Variants in CFAP300 observed in about 807,000 individuals in gnomAD.
CFAP300 encodes cilia and flagella associated protein 300, also known as cilia- and flagella-associated protein 300.
CFAP300 carries 32 observed loss-of-function variants against 33.0 expected under a neutral mutation model. That is an observed-to-expected ratio of 0.97 (90% CI 0.73 to 1.30). The LOEUF (loss-of-function observed/expected upper bound fraction) is 1.30. CFAP300 is among the 50% of genes most tolerant of loss of function. The pLI is 0.00. For synonymous variants in CFAP300, 102 were observed against 106.8 expected (o/e 0.95, Z 0.28); for missense variants, 356 against 318.1 (o/e 1.12, Z -0.90).
At chr11:102,056,386 C>G (rs559785616) in intron 2 of CFAP300, among the ~76,000 whole-genome samples, 1 of 152,318 alleles carries the variant, frequency 6.6e-6, no homozygotes, top group Non-Finnish European at 1.5e-5. Flanking sequence ...TAGCAAATTA[C>G]TTTCCCAGAG....
chr11:102,057,966 A>G (rs12146647), intron 2 of CFAP300: 67,363 of 152,056 alleles, frequency 0.44, 15,212 homozygotes, highest in East Asian at 0.67. Flanking sequence ...AAGCTAAGTA[A>G]GGTTGGGCCT....
intron 4 of CFAP300, among the ~76,000 whole-genome samples, chr11:102,074,860 G>A (rs974437683): frequency 4.0e-5 from 6 of 151,784 alleles, no homozygotes; most frequent in Admixed American, 6.6e-5. Flanking sequence ...TCACCACCAC[G>A]TCCAGCTTAT....
chr11:102,080,012 TG>T (rs1340174266), intron 5 of CFAP300, among the ~76,000 whole-genome samples: 2 of 152,176 alleles, frequency 1.3e-5, no homozygotes, highest in African/African-American at 4.8e-5. Context: ...CAGGGTGCAG[TG>T]GCCATCACCT....
At chr11:102,073,890 G>C (rs915629506) in intron 4 of CFAP300, among the ~76,000 whole-genome samples, 3 of 152,186 alleles carry the variant, frequency 2.0e-5, no homozygotes, top group Admixed American at 1.3e-4. Flanking sequence ...CCCATCTTCA[G>C]GGAACATGCA....
chr11:102,082,557 A>C (rs184961319), intron 6 of CFAP300, among the ~76,000 whole-genome samples: 1 of 152,338 alleles, frequency 6.6e-6, no homozygotes, highest in South Asian at 2.1e-4. Context: ...TATTCCTATC[A>C]TAGTAGACTG....
At chr11:102,073,652 G>A (rs560604668) in intron 4 of CFAP300, among the ~76,000 whole-genome samples, 69 of 152,298 alleles carry the variant, frequency 4.5e-4, no homozygotes, top group African/African-American at 1.7e-3. Flanking sequence ...GGGGTGGGGT[G>A]GGGTTGCTGT....
At chr11:102,073,687 G>A (rs1051910069) in intron 4 of CFAP300, among the ~76,000 whole-genome samples, 8 of 152,028 alleles carry the variant, frequency 5.3e-5, no homozygotes, top group South Asian at 2.1e-4. Context: ...ACTGGCAGGC[G>A]GCTCTTGGGT....
intron 2 of CFAP300, among the ~76,000 whole-genome samples, chr11:102,052,532 T>G (rs1053078864): frequency 6.6e-6 from 1 of 152,266 alleles, no homozygotes; most frequent in Non-Finnish European, 1.5e-5. Context: ...TGTGTTTACC[T>G]TTAGTTCTTC....
chr11:102,049,726 A>G (rs958666011), intron 2 of CFAP300, among the ~76,000 whole-genome samples: 3 of 152,148 alleles, frequency 2.0e-5, no homozygotes, highest in African/African-American at 4.8e-5. Flanking sequence ...AAATTTTAGT[A>G]TAATTCATTT....
intron 3 of CFAP300, 80 bp from the exon 4 acceptor site, chr11:102,066,405 A>T: frequency 1.1e-6 from 1 of 927,046 alleles, no homozygotes; most frequent in Admixed American, 2.8e-5. Context: ...GAATTTCTGC[A>T]TAGCGATTTA....
rs575637308 is a variant in CFAP300, at chr11:102,055,072, CG to C, written c.193-3805del. Among the ~76,000 whole-genome samples, 31 of 151,602 alleles carry C rather than the reference CG, an allele frequency of 2.0e-4. 1 individual carries two copies. In the East Asian group the frequency reaches 5.3e-3, roughly 26 times the overall value. The stretch of plus-strand genomic sequence containing the variant: ...CTCAGCTCACTGCAACCTCTGCCTC[CG>C]GGATTCAAGCGATTCTCCTGCCTTA... On this transcript the variant is annotated intron_variant, in intron 2 of 6. Transcript: ENST00000434758.
chr11:102,078,710 T>G (rs1347719542), intron 5 of CFAP300, among the ~76,000 whole-genome samples: 1 of 150,818 alleles, frequency 6.6e-6, no homozygotes, highest in African/African-American at 2.5e-5. Context: ...TTTTGTTTTG[T>G]TTTTTTTTAT....
At position 102,056,161 on chromosome 11, in the gene CFAP300, C is replaced by A. The variant is rs12362732; in HGVS notation, c.193-2719C>A. 2.0e-3 allele frequency among the ~76,000 whole-genome samples: 311 copies of A among 152,046 alleles called. 2 individuals are homozygous for A. Among genetic ancestry groups the A allele is most frequent in the African/African-American group, 7.2e-3 (299 of 41,478 alleles). On this transcript the variant is annotated intron_variant, in intron 2 of 6. Transcript: ENST00000434758. ...ACATTCTATTCTAATACTTTCTTTC[C>A]AATAGCTGCATTCTGTCTGATATAG... is the stretch of plus-strand genomic sequence containing the variant.
intron 3 of CFAP300, among the ~76,000 whole-genome samples, chr11:102,064,840 T>C (rs1477819796): frequency 6.6e-6 from 1 of 152,190 alleles, no homozygotes; most frequent in African/African-American, 2.4e-5. Context: ...CATTTTAATC[T>C]TTATGACTTT....
At chr11:102,057,043 TA>T (rs1189585209) in intron 2 of CFAP300, among the ~76,000 whole-genome samples, 1 of 151,374 alleles carries the variant, frequency 6.6e-6, no homozygotes, top group African/African-American at 2.4e-5. Context: ...AATTATAAAA[TA>T]AAAAAGAGCT....
At chr11:102,055,359 C>CTTTTTTTTT (rs1942036156) in intron 2 of CFAP300, among the ~76,000 whole-genome samples, 5 of 74,428 alleles carry the variant, frequency 6.7e-5, no homozygotes, top group Non-Finnish European at 9.9e-5. Context: ...ACATGCGTTA[C>CTTTTTTTTT]TCTTTTTTTT....
At chr11:102,051,325 G>A (rs1185654061) in intron 2 of CFAP300, among the ~76,000 whole-genome samples, 5 of 152,166 alleles carry the variant, frequency 3.3e-5, no homozygotes, top group Middle Eastern at 3.2e-3. Flanking sequence ...GGATGATGAG[G>A]AGAATTTTCC....
chr11:102,077,637 C>G (rs565797004), intron 5 of CFAP300, among the ~76,000 whole-genome samples: 1 of 152,154 alleles, frequency 6.6e-6, no homozygotes, highest in Non-Finnish European at 1.5e-5. Context: ...TGCAGTGGCG[C>G]GATCTCAGCT....
chr11:102,052,584 G>A (rs1050601296), intron 2 of CFAP300, among the ~76,000 whole-genome samples: 1 of 152,180 alleles, frequency 6.6e-6, no homozygotes, highest in Admixed American at 6.5e-5. Flanking sequence ...GACTGTGTCT[G>A]GCTTGGCATA....
Sources: gnomAD v4.1 joint callset for allele counts (sites outside exome capture counted in the v4.1 genomes callset) on GRCh38, gnomAD v4.1.1 for gene constraint, MANE v1.5 for transcripts, NCBI Gene and HGNC (gene_info 2026-07-23, HGNC 2026-07-21) for gene names.